The following PCDH15 variants were observed in gnomAD, a reference collection of about 807,000 sequenced individuals.
The protein encoded by PCDH15 is protocadherin-15.
A neutral mutation model predicts 178.5 loss-of-function variants in PCDH15; 129 were observed. The ratio of observed to expected loss-of-function variants is 0.72; its 90% confidence interval spans 0.63 to 0.84. The LOEUF (loss-of-function observed/expected upper bound fraction) is 0.84. PCDH15 is among the 40% of genes least tolerant of loss of function. PCDH15 has a pLI of 0.00. For synonymous variants in PCDH15, 800 were observed against 732.0 expected (o/e 1.09, Z -1.50); for missense variants, 2,230 against 2,099.9 (o/e 1.06, Z -1.21).
At chr10:53,900,440 T>A (rs566045381) in intron 26 of PCDH15, among the ~76,000 whole-genome samples, 156 of 152,276 alleles carry the variant, frequency 1.0e-3, no homozygotes, top group African/African-American at 3.4e-3. Context: ...ATACTTCATC[T>A]GAAGAAGTCC....
At chr10:54,360,896 G>A (rs1193935954) in intron 5 of PCDH15, among the ~76,000 whole-genome samples, 4 of 152,066 alleles carry the variant, frequency 2.6e-5, no homozygotes, top group Admixed American at 1.3e-4. Context: ...TCTGTGAATA[G>A]AATGAAGTTT....
chr10:54,906,827 T>A (rs1344356282), intron 2 of PCDH15, among the ~76,000 whole-genome samples: 1 of 152,182 alleles, frequency 6.6e-6, no homozygotes, highest in African/African-American at 2.4e-5. Context: ...CCACCATCAG[T>A]GTCTCCCTAG....
rs73255919 is a variant in PCDH15 at position 54,439,068 on chromosome 10, A to G, written c.158-60126T>C. Among the ~76,000 whole-genome samples the G allele has an allele frequency of 7.8e-3, 1,183 of 152,144 alleles. 16 individuals carry two copies. The highest frequency in any genetic ancestry group is 0.027 in the African/African-American group (1,116 of 41,524). ...GTCATTTAATAGGGAATAAACAAAA[A>G]TCTGAGACATAAGGAAATTCTGTAT... On this transcript the variant is annotated intron_variant, in intron 3 of 37. Coordinates refer to ENST00000644397, the MANE Select transcript of PCDH15 (RefSeq NM_001384140.1).
chr10:54,782,182 T>C (rs1950423558), intron 1 of PCDH15, among the ~76,000 whole-genome samples: 1 of 152,078 alleles, frequency 6.6e-6, no homozygotes, highest in Admixed American at 6.6e-5. Context: ...GGTGATACAG[T>C]GAAAAGGTAA....
At chr10:55,190,055 C>G (rs2132144741) in intron 1 of PCDH15, among the ~76,000 whole-genome samples, 1 of 151,806 alleles carries the variant, frequency 6.6e-6, no homozygotes, top group East Asian at 1.9e-4. Context: ...CATGGTCTCT[C>G]TAAACCTGCA....
chr10:54,953,194 C>A (rs896128674), intron 2 of PCDH15, among the ~76,000 whole-genome samples: 1 of 151,286 alleles, frequency 6.6e-6, no homozygotes, highest in African/African-American at 2.4e-5. Context: ...CCTCTTTCCT[C>A]TTTGTTCATA....
At chr10:55,204,778 A>G (rs1840350026) in intron 1 of PCDH15, among the ~76,000 whole-genome samples, 1 of 152,130 alleles carries the variant, frequency 6.6e-6, no homozygotes, top group African/African-American at 2.4e-5. Context: ...TGTCATAGCT[A>G]TCATTCTAAG....
chr10:55,110,863 G>A (rs1006596320), intron 2 of PCDH15, among the ~76,000 whole-genome samples: 1 of 152,004 alleles, frequency 6.6e-6, no homozygotes, highest in East Asian at 1.9e-4. Context: ...TTCAGTTTCT[G>A]TAATTATGAC....
At chr10:54,017,719 T>C (rs1198765620) in intron 20 of PCDH15, among the ~76,000 whole-genome samples, 1 of 152,090 alleles carries the variant, frequency 6.6e-6, no homozygotes, top group African/African-American at 2.4e-5. Context: ...GACAAGGTCA[T>C]TCATATCCCA....
chr10:55,005,306 AT>A (rs748395611), intron 2 of PCDH15, among the ~76,000 whole-genome samples: 3 of 151,684 alleles, frequency 2.0e-5, no homozygotes, highest in Non-Finnish European at 4.4e-5. Flanking sequence ...CCACCCTCCA[AT>A]TCAAGAGGAA....
At chr10:54,820,564 C>G (rs1027591645) in intron 3 of PCDH15, among the ~76,000 whole-genome samples, 1 of 152,036 alleles carries the variant, frequency 6.6e-6, no homozygotes, top group African/African-American at 2.4e-5. Flanking sequence ...ACTTTATAAG[C>G]TTTTTATTAC....
chr10:54,765,854 T>C lies in PCDH15; in HGVS notation c.-29+35071A>G, dbSNP rs1443809351. The stretch of plus-strand genomic sequence containing the variant: ...TAATGATATTGAGAAAGCTTTGCCA[T>C]TGGAAACACAATTTCATAGACAAGA... On this transcript the variant is annotated intron_variant, in intron 1 of 37. Coordinates refer to ENST00000644397, the MANE Select transcript of PCDH15 (RefSeq NM_001384140.1). Among the ~76,000 whole-genome samples the C allele has an allele frequency of 2.0e-5, 3 of 152,132 alleles. No homozygotes were observed. The South Asian group carries it at 6.2e-4, about 31-fold the overall frequency.
intron 2 of PCDH15, among the ~76,000 whole-genome samples, chr10:55,546,906 G>C (rs954184121): frequency 1.3e-5 from 2 of 151,970 alleles, no homozygotes; most frequent in Non-Finnish European, 2.9e-5. Flanking sequence ...GGAGGCAGCA[G>C]GAGCTTTCAG....
chr10:55,467,056 T>A (rs1182224703), intron 2 of PCDH15, among the ~76,000 whole-genome samples: 2 of 152,210 alleles, frequency 1.3e-5, no homozygotes, highest in Non-Finnish European at 2.9e-5. Flanking sequence ...TAGTTATTTA[T>A]AGGCGTATCT....
At chr10:54,744,201 C>G (rs1945175497) in intron 1 of PCDH15, among the ~76,000 whole-genome samples, 1 of 152,104 alleles carries the variant, frequency 6.6e-6, no homozygotes, top group African/African-American at 2.4e-5. Context: ...GTCCCACCAA[C>G]AGCTACTTGA....
At chr10:54,322,887 C>T (rs554198438) in intron 7 of PCDH15, among the ~76,000 whole-genome samples, 3 of 152,150 alleles carry the variant, frequency 2.0e-5, no homozygotes, top group South Asian at 2.1e-4. Context: ...TAAAGAGCTT[C>T]GGCACACTAA....
chr10:54,729,619 C>A (rs1943066764), intron 1 of PCDH15, among the ~76,000 whole-genome samples: 1 of 151,506 alleles, frequency 6.6e-6, no homozygotes, highest in Non-Finnish European at 1.5e-5. Flanking sequence ...AATAGAGAAC[C>A]TACAAAATGG....
chr10:55,547,362 A>G (rs1348701659), intron 2 of PCDH15, among the ~76,000 whole-genome samples: 1 of 152,136 alleles, frequency 6.6e-6, no homozygotes, highest in Non-Finnish European at 1.5e-5. Flanking sequence ...GGACCCAAGA[A>G]AGGGATGTGT....
rs1256317561 is a variant in PCDH15 at position 54,676,778 on chromosome 10, C to T, written c.-28-12488G>A. Among the ~76,000 whole-genome samples the T allele has an allele frequency of 2.0e-5, 3 of 152,256 alleles. No individual in the cohort carries two copies. In the East Asian group the frequency reaches 5.8e-4, roughly 29 times the overall value. On this transcript the variant is annotated intron_variant, in intron 1 of 37. Transcript: ENST00000644397. ...CAGCAAGATATTTATCTTATAAAAA[C>T]ATCATTAATAAGTACAAAATCTCAT...
Sources: gnomAD v4.1 joint callset for allele counts (sites outside exome capture counted in the v4.1 genomes callset) on GRCh38, gnomAD v4.1.1 for gene constraint, MANE v1.5 for transcripts, NCBI Gene and HGNC (gene_info 2026-07-23, HGNC 2026-07-21) for gene names.